Variants in THSD4 observed in about 807,000 individuals in gnomAD.
THSD4 encodes the protein thrombospondin type 1 domain containing 4.
THSD4 carries 69 observed loss-of-function variants against 119.0 expected under a neutral mutation model. That is an observed-to-expected ratio of 0.58 (90% CI 0.48 to 0.71). The LOEUF is 0.71. Among genes scored for constraint, THSD4 ranks in the 30% least tolerant of loss-of-function variants. THSD4 has a pLI of 0.00. For synonymous variants in THSD4, 524 were observed against 540.4 expected, an observed-to-expected ratio of 0.97 and a Z score of 0.42; for missense variants, 1,393 against 1,391.1, an observed-to-expected ratio of 1.00 and a Z score of -0.02.
intron 7 of THSD4, among the ~76,000 whole-genome samples, chr15:71,424,422 C>T (rs1260932668): frequency 6.6e-6 from 1 of 152,066 alleles, no homozygotes; most frequent in Non-Finnish European, 1.5e-5. Context: ...TGGAAGGAGT[C>T]TAAATGTCGG....
chr15:71,615,761 A>C (rs764819036), intron 7 of THSD4, among the ~76,000 whole-genome samples: 6 of 152,240 alleles, frequency 3.9e-5, no homozygotes, highest in Non-Finnish European at 8.8e-5. Context: ...AGGCCTCTGC[A>C]GCCCTGGCTA....
chr15:71,395,914 GACACAC>G (rs58433075), intron 6 of THSD4, among the ~76,000 whole-genome samples: 20 of 133,378 alleles, frequency 1.5e-4, no homozygotes, highest in South Asian at 2.5e-4. Context: ...TTTGAAGAGA[GACACAC>G]ACACACACAC....
At position 71,525,795 on chromosome 15, in the gene THSD4, G is replaced by A. The variant is rs143834623; in HGVS notation, c.1152+113972G>A. ...ATCTCATCTCAATGGTCTCACAAGT[G>A]CAATAGAAAATCATGGTCCTTGGTG... On this transcript the variant is annotated intron_variant, in intron 7 of 17. Coordinates refer to ENST00000261862, the MANE Select transcript of THSD4 (RefSeq NM_024817.3). 3.3e-3 allele frequency among the ~76,000 whole-genome samples: 508 copies of A among 152,258 alleles called. 5 individuals carry two copies. Among genetic ancestry groups the A allele is most frequent in the African/African-American group, 0.012 (479 of 41,544 alleles).
At chr15:71,651,895 C>T (rs1382168424) in intron 7 of THSD4, among the ~76,000 whole-genome samples, 5 of 152,182 alleles carry the variant, frequency 3.3e-5, no homozygotes, top group Admixed American at 3.3e-4. Flanking sequence ...GAGAAAAATG[C>T]AAACAGGCAC....
rs778591749 is a variant in THSD4, at chr15:71,411,764, A to G, written c.1093A>G (p.Ile365Val). 2 of 1,614,158 alleles carry G rather than the reference A, an allele frequency of 1.2e-6. No homozygotes were observed. The highest frequency in any genetic ancestry group is 1.7e-6 in the Non-Finnish European group (2 of 1,180,010). The change falls in exon 7 of 18, where the codon ATC (isoleucine) becomes GTC (valine). Residue 365 changes from isoleucine to valine, a missense_variant. Physicochemically the swap from Ile to Val is conservative, Grantham distance 29. Transcript: ENST00000261862. Reference sequence around the variant, plus strand: ...CTATGTACGGCAAGCTGAGAAAGTCATCGATGGCACCCCCTGTGACCAGAA... The same window carrying G: ...CTATGTACGGCAAGCTGAGAAAGTCGTCGATGGCACCCCCTGTGACCAGAA... ...RFYVRQAEKV[I>V]DGTPCDQNGT...
Position 71,359,272 on chromosome 15 carries a change from C to A in THSD4, c.1016-52415C>A, listed in dbSNP as rs12101445. ...AACGTGCTTAAAACTCTTTTCTGAC[C>A]CCCATTGCATCATTCGCATCACTGT... On this transcript the variant is annotated intron_variant, in intron 6 of 17. Coordinates refer to ENST00000261862, the MANE Select transcript of THSD4 (RefSeq NM_024817.3). Among the ~76,000 whole-genome samples the A allele has an allele frequency of 2.6e-5, 4 of 151,996 alleles. No individual in the cohort carries two copies. In the East Asian group the frequency reaches 7.7e-4, roughly 29 times the overall value.
At chr15:71,309,826 T>C (rs947458883) in intron 6 of THSD4, among the ~76,000 whole-genome samples, 1 of 152,226 alleles carries the variant, frequency 6.6e-6, no homozygotes, top group Non-Finnish European at 1.5e-5. Flanking sequence ...TAAAAAGATA[T>C]ACTTGACAGA....
At chr15:71,329,202 C>T (rs1291175422) in intron 6 of THSD4, among the ~76,000 whole-genome samples, 1 of 152,142 alleles carries the variant, frequency 6.6e-6, no homozygotes, top group Non-Finnish European at 1.5e-5. Context: ...CCCAGCTTTC[C>T]TGACAGGTTG....
intron 3 of THSD4, among the ~76,000 whole-genome samples, chr15:71,156,791 T>C (rs754562757): frequency 3.2e-4 from 48 of 152,204 alleles, no homozygotes; most frequent in Non-Finnish European, 5.9e-4. Flanking sequence ...AGTAGGAACT[T>C]ACTGGTCTTG....
At chr15:71,131,409 C>G (rs1250342963) in intron 1 of THSD4, among the ~76,000 whole-genome samples, 1 of 150,842 alleles carries the variant, frequency 6.6e-6, no homozygotes, top group East Asian at 1.9e-4. Context: ...AAAATCATTT[C>G]AAAACATGGC....
At chr15:71,493,326 CTT>C (rs1003007317) in intron 7 of THSD4, among the ~76,000 whole-genome samples, 9 of 152,218 alleles carry the variant, frequency 5.9e-5, no homozygotes, top group African/African-American at 1.9e-4. Flanking sequence ...AACTCTCACT[CTT>C]ATATTTCTTT....
Position 71,626,675 on chromosome 15 carries a change from C to G in THSD4, c.1153-33855C>G, listed in dbSNP as rs371568899. Among the ~76,000 whole-genome samples the G allele has an allele frequency of 3.9e-4, 59 of 152,280 alleles. 1 individual carries two copies. In the South Asian group the frequency reaches 0.012, roughly 30 times the overall value. On this transcript the variant is annotated intron_variant, in intron 7 of 17. Transcript: ENST00000261862. ...AGATTTTATCCGATTTTGTACTATC[C>G]TTACCTTCTGTGATAAAAATCATCT... is the stretch of plus-strand genomic sequence containing the variant.
At chr15:71,580,418 C>T (rs2049536138) in intron 7 of THSD4, among the ~76,000 whole-genome samples, 1 of 152,068 alleles carries the variant, frequency 6.6e-6, no homozygotes, top group Admixed American at 6.5e-5. Flanking sequence ...TATATATATA[C>T]ATTGTAAAAT....
chr15:71,720,031 T>C (rs4777443), intron 8 of THSD4, among the ~76,000 whole-genome samples: 1,054 of 65,834 alleles, frequency 0.016, 25 homozygotes, highest in Admixed American at 0.1. Flanking sequence ...GCTTTTTTTT[T>C]TTTTCTTTTT....
intron 3 of THSD4, among the ~76,000 whole-genome samples, chr15:71,160,221 G>A (rs760444761): frequency 8.6e-5 from 13 of 151,690 alleles, no homozygotes; most frequent in Non-Finnish European, 1.5e-4. Flanking sequence ...TTCAGTTTGC[G>A]TCTTGTTGAG....
At chr15:71,641,718 G>A (rs1424909804) in intron 7 of THSD4, among the ~76,000 whole-genome samples, 1 of 151,962 alleles carries the variant, frequency 6.6e-6, no homozygotes, top group Non-Finnish European at 1.5e-5. Context: ...GGAGAAAAGG[G>A]CAAATACTTT....
At chr15:71,155,461 G>A (rs974347650) in intron 3 of THSD4, among the ~76,000 whole-genome samples, 2 of 152,170 alleles carry the variant, frequency 1.3e-5, no homozygotes, top group Non-Finnish European at 2.9e-5. Context: ...TTTGGGTGGG[G>A]ACACAGATCT....
chr15:71,682,668 A>G (rs552502350), intron 8 of THSD4, among the ~76,000 whole-genome samples: 27 of 151,954 alleles, frequency 1.8e-4, no homozygotes, highest in African/African-American at 6.0e-4. Context: ...CCAATTTTAC[A>G]AACCAATTTG....
chr15:71,360,387 G>C (rs1411367804), intron 6 of THSD4, among the ~76,000 whole-genome samples: 1 of 152,182 alleles, frequency 6.6e-6, no homozygotes, highest in Non-Finnish European at 1.5e-5. Context: ...GGCCAATCCA[G>C]ATTCAACACG....
Sources: gnomAD v4.1 joint callset for allele counts (sites outside exome capture counted in the v4.1 genomes callset) on GRCh38, gnomAD v4.1.1 for gene constraint, MANE v1.5 for transcripts, NCBI Gene and HGNC (gene_info 2026-07-23, HGNC 2026-07-21) for gene names.